Variants in USP25 observed in about 807,000 individuals in gnomAD.
The protein encoded by USP25 is ubiquitin carboxyl-terminal hydrolase 25.
Under a neutral mutation model 158.5 loss-of-function variants are expected in USP25, and 85 were observed. The observed-to-expected ratio is 0.54, with a 90% CI of 0.45 to 0.64. The LOEUF is 0.64. Ranked by LOEUF, USP25 falls within the 30% of genes least tolerant of loss-of-function variation. The pLI, the probability that USP25 is intolerant of heterozygous loss-of-function variation, is 0.00. For missense variants in USP25, 1,242 were observed against 1,327.3 expected (o/e 0.94, Z 1.00); for synonymous variants, 464 against 460.4 (o/e 1.01, Z -0.10).
At chr21:15,785,215 A>G (rs1270431806) in intron 4 of USP25, among the ~76,000 whole-genome samples, 2 of 152,356 alleles carry the variant, frequency 1.3e-5, no homozygotes, top group East Asian at 1.9e-4. Context: ...CTGTAAATAT[A>G]TAAGCACCGA....
rs772654683 is a variant in USP25, at chr21:15,864,288, A to C, written c.2568A>C (p.Ala856=). The C allele has an allele frequency of 1.9e-6, 3 of 1,606,670 alleles. No homozygotes were observed. The highest frequency in any genetic ancestry group is 2.5e-6 in the Non-Finnish European group (3 of 1,178,168). ...GFFKAIKLEY[A]RLVKLAQEDT... Reference sequence around the variant, plus strand: ...TCCAGGCAATTAAGTTGGAATATGCAAGGTTGGTTAAGTTGGCCCAAGAAG... The same window carrying C: ...TCCAGGCAATTAAGTTGGAATATGCCAGGTTGGTTAAGTTGGCCCAAGAAG... Residue 856 remains alanine, a synonymous_variant, in exon 21 of 26, where the codon GCA becomes GCC. Transcript: ENST00000400183.
chr21:15,830,721 C>G (rs748581358), intron 15 of USP25, 120 bp downstream of exon 15: 9 of 780,026 alleles, frequency 1.2e-5, no homozygotes, highest in South Asian at 9.6e-5. Flanking sequence ...TTTGGCAAAT[C>G]TTATTGTAAA....
chr21:15,857,416 A>G (rs2039207327), intron 20 of USP25, among the ~76,000 whole-genome samples: 1 of 152,166 alleles, frequency 6.6e-6, no homozygotes, highest in Non-Finnish European at 1.5e-5. Flanking sequence ...GCCTACATGT[A>G]GTTATATTGA....
intron 18 of USP25, among the ~76,000 whole-genome samples, chr21:15,846,943 AAAG>A (rs1217742064): frequency 1.3e-5 from 2 of 152,182 alleles, no homozygotes; most frequent in African/African-American, 4.8e-5. Flanking sequence ...AAAAAGAAAA[AAAG>A]GAATAAATCT....
At chr21:15,786,950 C>T (rs1287310389) in intron 4 of USP25, among the ~76,000 whole-genome samples, 1 of 151,970 alleles carries the variant, frequency 6.6e-6, no homozygotes, top group Non-Finnish European at 1.5e-5. Flanking sequence ...ACACAAAAAT[C>T]AGCACTTCTA....
At chr21:15,803,475 C>T (rs1385468412) in intron 6 of USP25, among the ~76,000 whole-genome samples, 1 of 151,546 alleles carries the variant, frequency 6.6e-6, no homozygotes, top group Non-Finnish European at 1.5e-5. Flanking sequence ...GTATACTTCA[C>T]CATATCAACA....
At chr21:15,776,289 G>A (rs2034651533) in intron 3 of USP25, among the ~76,000 whole-genome samples, 2 of 151,476 alleles carry the variant, frequency 1.3e-5, no homozygotes, top group South Asian at 2.1e-4. Flanking sequence ...TTTTTGGGGG[G>A]CCCTACTTAA....
At chr21:15,846,139 TA>T (rs1568882398) in intron 18 of USP25, among the ~76,000 whole-genome samples, 11 of 57,402 alleles carry the variant, frequency 1.9e-4, no homozygotes, top group African/African-American at 6.1e-4. Context: ...TATATATATA[TA>T]TATATATATA....
At chr21:15,822,753 G>A (rs763502195) in intron 10 of USP25, among the ~76,000 whole-genome samples, 5 of 151,930 alleles carry the variant, frequency 3.3e-5, no homozygotes, top group Non-Finnish European at 7.4e-5. Flanking sequence ...TTCCATGTGA[G>A]ATCAAAATGA....
intron 20 of USP25, among the ~76,000 whole-genome samples, chr21:15,858,193 G>T (rs1568899157): frequency 1.3e-5 from 2 of 151,878 alleles, no homozygotes; most frequent in Admixed American, 1.3e-4. Flanking sequence ...TTTTTCTTCT[G>T]ATGATTTTTA....
At chr21:15,868,366 C>G (rs2039744756) in intron 22 of USP25, among the ~76,000 whole-genome samples, 2 of 152,222 alleles carry the variant, frequency 1.3e-5, no homozygotes, top group South Asian at 4.1e-4. Flanking sequence ...AAATCTGTGC[C>G]CTCCACATTG....
At chr21:15,874,251 C>A in intron 23 of USP25, 152 bp from the exon 24 acceptor site, 1 of 532,002 alleles carries the variant, frequency 1.9e-6, no homozygotes, top group East Asian at 4.4e-5. Flanking sequence ...TAAAAAGGCG[C>A]TCTCAAGCAT....
At chr21:15,850,631 G>A (rs1030317515) in intron 20 of USP25, among the ~76,000 whole-genome samples, 1 of 151,286 alleles carries the variant, frequency 6.6e-6, no homozygotes, top group Non-Finnish European at 1.5e-5. Context: ...GTTTGCTACA[G>A]TGAACTATGC....
intron 1 of USP25, among the ~76,000 whole-genome samples, chr21:15,746,617 T>C (rs2032582148): frequency 6.6e-6 from 1 of 151,928 alleles, no homozygotes; most frequent in South Asian, 2.1e-4. Context: ...AGGATAGTCT[T>C]GATCTCTGGA....
chr21:15,762,438 A>T (rs1254945818), intron 1 of USP25, among the ~76,000 whole-genome samples: 2 of 152,230 alleles, frequency 1.3e-5, no homozygotes, highest in Non-Finnish European at 2.9e-5. Context: ...CAGATTGGAC[A>T]GTGAAATGAT....
chr21:15,850,542 A>G (rs1194691529), intron 20 of USP25, among the ~76,000 whole-genome samples: 3 of 151,830 alleles, frequency 2.0e-5, no homozygotes, highest in Non-Finnish European at 4.4e-5. Context: ...ACATTAACTG[A>G]AAATCTTCAA....
intron 20 of USP25, 35 bp from the exon 21 acceptor site, chr21:15,864,233 T>C (rs778912911): frequency 6.3e-7 from 1 of 1,582,412 alleles, no homozygotes; most frequent in South Asian, 1.2e-5. Flanking sequence ...GTTCAAATAA[T>C]TAACCAAAAT....
In USP25 at chr21:15,787,902, A is replaced by ACCCC. The variant is rs5842545; in HGVS notation, c.393-3593_393-3590dup. On this transcript the variant is annotated intron_variant, in intron 4 of 25. Coordinates refer to ENST00000400183, the MANE Select transcript of USP25 (RefSeq NM_001283041.3). ...AACAATAAAATAATAACACCCCCTC[A>ACCCC]CCCCCCCCCCAAGTAAAACCACCGT... Among the ~76,000 whole-genome samples, 665 of 83,590 alleles carry ACCCC rather than the reference A, an allele frequency of 8.0e-3. 10 individuals are homozygous for ACCCC. The highest frequency in any genetic ancestry group is 0.013 in the Non-Finnish European group (513 of 38,684). The allele number at this position is 83,590 out of a possible 152,430, so 54.8% of individuals were successfully genotyped here.
chr21:15,813,194 A>G (rs776265227), intron 9 of USP25, among the ~76,000 whole-genome samples: 16 of 151,936 alleles, frequency 1.1e-4, no homozygotes, highest in Non-Finnish European at 2.1e-4. Flanking sequence ...CTATAACCCA[A>G]CTTGTTCTGT....
Sources: allele counts gnomAD v4.1 joint callset (sites outside exome capture counted in the v4.1 genomes callset), GRCh38; gene constraint gnomAD v4.1.1; transcripts MANE v1.5; gene names NCBI Gene and HGNC (gene_info 2026-07-23, HGNC 2026-07-21).